GOLGA5: variants seen among roughly 807,000 people sequenced by gnomAD.
GOLGA5 encodes the protein golgin subfamily A member 5.
In GOLGA5, 50 loss-of-function variants were observed where a neutral mutation model predicts 93.5. The observed-to-expected ratio is 0.53, with a 90% CI of 0.43 to 0.68. GOLGA5 has a LOEUF of 0.68. Among genes scored for constraint, GOLGA5 ranks in the 30% least tolerant of loss-of-function variants. The probability of loss-of-function intolerance (pLI) is 0.00; values close to 1 mark genes in which losing one functional copy is unlikely to be tolerated. For missense variants in GOLGA5, 760 were observed against 856.4 expected (o/e 0.89, Z 1.40); for synonymous variants, 312 against 304.5 (o/e 1.02, Z -0.26).
intron 8 of GOLGA5, among the ~76,000 whole-genome samples, chr14:92,820,945 A>G (rs1234172971): frequency 2.0e-5 from 3 of 152,212 alleles, no homozygotes; most frequent in African/African-American, 7.2e-5. Flanking sequence ...ACATAGACAC[A>G]GTGACAGTCT....
chr14:92,820,785 AC>A (rs1467392659), intron 8 of GOLGA5, among the ~76,000 whole-genome samples: 1 of 152,244 alleles, frequency 6.6e-6, no homozygotes, highest in Non-Finnish European at 1.5e-5. Context: ...CACATCCTGC[AC>A]AGCCCTAGAT....
chr14:92,803,067 ACT>A (rs1185632620), intron 2 of GOLGA5, among the ~76,000 whole-genome samples: 1 of 151,836 alleles, frequency 6.6e-6, no homozygotes, highest in African/African-American at 2.4e-5. Context: ...ACAGGATCTC[ACT>A]CTGTCGCCCA....
Position 92,797,792 on chromosome 14 carries a change from G to A in GOLGA5, c.355G>A (p.Asp119Asn), listed in dbSNP as rs761556497. Residue 119 changes from aspartate to asparagine, a missense_variant, in exon 2 of 13, where the codon GAT becomes AAT. Physicochemically the swap from Asp to Asn is conservative, Grantham distance 23. Coordinates refer to ENST00000163416, the MANE Select transcript of GOLGA5 (RefSeq NM_005113.4). Reference protein sequence around the residue: ...HFVRRKKSEPDDELLFDFLNS... With the variant: ...HFVRRKKSEPNDELLFDFLNS... ...TGTGCGAAGAAAAAAGTCAGAACCT[G>A]ATGATGAGCTGCTGTTTGATTTTCT... 8.7e-6 allele frequency: 14 copies of A among 1,613,776 alleles called. No homozygotes were observed. The highest frequency in any genetic ancestry group is 1.2e-5 in the Non-Finnish European group (14 of 1,179,920).
intron 12 of GOLGA5, 25 bp from the exon 13 acceptor site, chr14:92,839,341 C>T: frequency 6.4e-7 from 1 of 1,559,364 alleles, no homozygotes; most frequent in Non-Finnish European, 8.8e-7. Context: ...TTGGCTAATC[C>T]ACAAATTGCT....
intron 9 of GOLGA5, among the ~76,000 whole-genome samples, chr14:92,829,360 A>C (rs1885482220): frequency 6.6e-6 from 1 of 152,080 alleles, no homozygotes; most frequent in Non-Finnish European, 1.5e-5. Context: ...CTTCTGGAAA[A>C]GATTCACTAT....
At chr14:92,808,456 A>G (rs1885036336) in intron 3 of GOLGA5, among the ~76,000 whole-genome samples, 1 of 152,174 alleles carries the variant, frequency 6.6e-6, no homozygotes, top group African/African-American at 2.4e-5. Context: ...CAACAGAGTG[A>G]GACCCCTGGG....
At position 92,824,604 on chromosome 14, in the gene GOLGA5, T is replaced by C; in HGVS notation, c.1679T>C (p.Ile560Thr). The C allele has an allele frequency of 6.2e-7, 1 of 1,604,920 alleles. No homozygotes were observed. The highest frequency in any genetic ancestry group is 1.1e-5 in the South Asian group (1 of 90,380). ...YRTKNTLQSR[I>T]KDRDEEIQKL... The stretch of plus-strand genomic sequence containing the variant: ...ACAAAGAACACATTGCAAAGCAGAA[T>C]TAAAGATCGAGACGAAGAAATTCAA... Residue 560 changes from isoleucine to threonine, a missense_variant, in exon 9 of 13, where the codon ATT becomes ACT. Coordinates refer to ENST00000163416, the MANE Select transcript of GOLGA5 (RefSeq NM_005113.4).
In GOLGA5 at chr14:92,797,969, A is replaced by T. The variant is rs757219754; in HGVS notation, c.532A>T (p.Ser178Cys). Residue 178 changes from serine to cysteine, a missense_variant, in exon 2 of 13, where the codon AGC (serine) becomes TGC (cysteine). Coordinates refer to ENST00000163416, the MANE Select transcript of GOLGA5 (RefSeq NM_005113.4). The stretch of plus-strand genomic sequence containing the variant: ...AACCATTGAAGAAAATTCTTTTGGG[A>T]GCCAAACCCACGGTAGTTAATCAGT... ...IKTIEENSFG[S>C]QTHEAASNSD... The T allele has an allele frequency of 1.3e-6, 2 of 1,582,700 alleles. No individual in the cohort carries two copies. Among genetic ancestry groups the T allele is most frequent in the Non-Finnish European group, 1.7e-6 (2 of 1,168,392 alleles).
rs371880770 is a variant in GOLGA5, at chr14:92,806,955, C to G, written c.764C>G (p.Thr255Ser). 2.2e-5 allele frequency: 35 copies of G among 1,583,302 alleles called. No individual in the cohort carries two copies. The highest frequency in any genetic ancestry group is 4.5e-5 in the East Asian group (2 of 44,774). ...MASLLQRSKETQEELNKARAR... is the reference protein window; with the variant it reads ...MASLLQRSKESQEELNKARAR... ...TCGTTACTCCAAAGATCCAAAGAGA[C>G]TCAAGAAGGTAGAGGCTTAAATTGT... The change falls in exon 3 of 13, where the codon ACT (threonine) becomes AGT (serine). Residue 255 changes from threonine to serine, a missense_variant. Transcript: ENST00000163416.
intron 9 of GOLGA5, among the ~76,000 whole-genome samples, chr14:92,826,123 C>A (rs1885416562): frequency 6.6e-6 from 1 of 152,132 alleles, no homozygotes; most frequent in Non-Finnish European, 1.5e-5. Flanking sequence ...CCGCTGTACT[C>A]TAGTTGGGCA....
At chr14:92,798,837 G>C (rs1884796697) in intron 2 of GOLGA5, among the ~76,000 whole-genome samples, 1 of 152,158 alleles carries the variant, frequency 6.6e-6, no homozygotes, top group African/African-American at 2.4e-5. Flanking sequence ...AATTGATTGA[G>C]CTCAGGAGGT....
Position 92,815,994 on chromosome 14 carries a change from C to T in GOLGA5, c.1321-257C>T, listed in dbSNP as rs530089579. On this transcript the variant is annotated intron_variant, in intron 6 of 12. Transcript: ENST00000163416. ...TGCTGGGATTACAGGCGTGAGCCAC[C>T]GCACCCAGCTGGAAAAAAAAAATCT... is the stretch of plus-strand genomic sequence containing the variant. 2.5e-3 allele frequency among the ~76,000 whole-genome samples: 383 copies of T among 152,086 alleles called. 2 individuals are homozygous for T. The highest frequency in any genetic ancestry group is 3.4e-3 in the Middle Eastern group (1 of 294).
intron 6 of GOLGA5, among the ~76,000 whole-genome samples, chr14:92,814,319 C>T (rs931689992): frequency 5.9e-5 from 9 of 152,036 alleles, no homozygotes; most frequent in African/African-American, 2.2e-4. Context: ...GAGACTGATG[C>T]CATCCAATGA....
chr14:92,839,489 C>A lies in GOLGA5; in HGVS notation c.*43C>A. ...CAGTGATTGGTTGTCTTTTTCTAGA[C>A]TTGGGATCTGCAAGAAGGCCAATTG... is the stretch of plus-strand genomic sequence containing the variant. On this transcript the variant is annotated 3_prime_UTR_variant, in exon 13 of 13. Transcript: ENST00000163416. 7.4e-7 allele frequency: 1 copy of A among 1,356,774 alleles called. No homozygotes were observed. The allele number at this position is 1,356,774 out of a possible 1,614,324, so 84.0% of individuals were successfully genotyped here.
intron 4 of GOLGA5, 146 bp downstream of exon 4, chr14:92,809,665 A>T: frequency 1.6e-6 from 1 of 642,778 alleles, no homozygotes; most frequent in Non-Finnish European, 2.7e-6. Context: ...ATTAAAATGG[A>T]TTCATTGGCT....
intron 9 of GOLGA5, among the ~76,000 whole-genome samples, chr14:92,827,242 T>G (rs887688524): frequency 6.6e-6 from 1 of 152,226 alleles, no homozygotes; most frequent in Non-Finnish European, 1.5e-5. Flanking sequence ...AAATTGAAAG[T>G]TTATGGCAAC....
chr14:92,823,775 T>TA (rs1386513817), intron 8 of GOLGA5, among the ~76,000 whole-genome samples: 3 of 152,088 alleles, frequency 2.0e-5, no homozygotes, highest in Non-Finnish European at 4.4e-5. Flanking sequence ...TAGTTTTTTT[T>TA]AAAAAAAGCA....
chr14:92,831,621 G>C (rs978630414), intron 9 of GOLGA5, among the ~76,000 whole-genome samples: 1 of 152,062 alleles, frequency 6.6e-6, no homozygotes, highest in African/African-American at 2.4e-5. Flanking sequence ...TAATACCTGG[G>C]TATTTCACTA....
At chr14:92,819,960 T>A in intron 8 of GOLGA5, 124 bp downstream of exon 8, 1 of 848,394 alleles carries the variant, frequency 1.2e-6, no homozygotes. Flanking sequence ...CACAAGTTCC[T>A]CCTGCCTTCC....
Sources: gnomAD v4.1 joint callset for allele counts (sites outside exome capture counted in the v4.1 genomes callset) on GRCh38, gnomAD v4.1.1 for gene constraint, MANE v1.5 for transcripts, NCBI Gene and HGNC (gene_info 2026-07-23, HGNC 2026-07-21) for gene names.